The following BABAM2 variants were observed in gnomAD, a reference collection of about 807,000 sequenced individuals.
The protein encoded by BABAM2 is BRISC and BRCA1-A complex member 2.
In BABAM2, 31 loss-of-function variants were observed where a neutral mutation model predicts 54.7. The observed-to-expected ratio is 0.57, with a 90% CI of 0.43 to 0.77. The LOEUF (loss-of-function observed/expected upper bound fraction) is 0.77, where lower values mean the gene tolerates loss of function less well. Among genes scored for constraint, BABAM2 ranks in the 30% least tolerant of loss-of-function variants. BABAM2 has a pLI of 0.00. For synonymous variants in BABAM2, 167 were observed against 162.9 expected (o/e 1.03, Z -0.19); for missense variants, 364 against 455.8 (o/e 0.80, Z 1.83).
At position 28,310,028 on chromosome 2, in the gene BABAM2, C is replaced by T. The variant is rs1688935242; in HGVS notation, c.1088+11537C>T. ...ATAAATAACGTGGAATTATTGGATC[C>T]TTGAACCCTTTTGAAAAGTATCTTA... On this transcript the variant is annotated intron_variant, in intron 11 of 11. Transcript: ENST00000379624. 4.5e-6 allele frequency: 7 copies of T among 1,559,254 alleles called. No homozygotes were observed. The South Asian group carries it at 6.7e-5, about 15-fold the overall frequency.
intron 7 of BABAM2, among the ~76,000 whole-genome samples, chr2:28,133,080 G>A (rs1670230319): frequency 6.6e-6 from 1 of 152,160 alleles, no homozygotes; most frequent in Admixed American, 6.5e-5. Flanking sequence ...TTAAGTAGAA[G>A]TTTTCAAAAT....
chr2:27,897,410 A>G (rs1488509015), intron 2 of BABAM2, among the ~76,000 whole-genome samples: 3 of 152,186 alleles, frequency 2.0e-5, no homozygotes, highest in Middle Eastern at 3.2e-3. Flanking sequence ...AATTTCATTA[A>G]TCAAATACTT....
Position 27,939,370 on chromosome 2 carries a change from TATTAA to T in BABAM2, c.205+9470_205+9474del, listed in dbSNP as rs1489434000. Among the ~76,000 whole-genome samples the T allele has an allele frequency of 2.0e-5, 3 of 152,248 alleles. No individual in the cohort carries two copies. The East Asian group carries it at 5.8e-4, about 29-fold the overall frequency. On this transcript the variant is annotated intron_variant, in intron 3 of 11. Transcript: ENST00000379624. ...AGTTAGAGATGGAGACTGTTGTGTTTATTAAATTAAATCTTTAGTCTCTAGCACAG... is the reference window on the plus strand; with the variant it reads ...AGTTAGAGATGGAGACTGTTGTGTTTATTAAATCTTTAGTCTCTAGCACAG...
intron 7 of BABAM2, among the ~76,000 whole-genome samples, chr2:28,146,195 A>G (rs1309325734): frequency 6.6e-6 from 1 of 152,206 alleles, no homozygotes; most frequent in Non-Finnish European, 1.5e-5. Flanking sequence ...CTTTTATTAG[A>G]TACATAATTT....
chr2:28,050,950 G>A (rs1327793080), intron 6 of BABAM2, among the ~76,000 whole-genome samples: 1 of 152,170 alleles, frequency 6.6e-6, no homozygotes, highest in Admixed American at 6.5e-5. Context: ...AGACTACTGA[G>A]AGATAAAACC....
chr2:28,326,225 C>T (rs1446457650), intron 11 of BABAM2, among the ~76,000 whole-genome samples: 2 of 152,206 alleles, frequency 1.3e-5, no homozygotes, highest in Non-Finnish European at 2.9e-5. Context: ...CTTTTCCCAG[C>T]AGGTGAGCTG....
At chr2:28,070,381 T>C (rs1262684006) in intron 6 of BABAM2, among the ~76,000 whole-genome samples, 2 of 152,160 alleles carry the variant, frequency 1.3e-5, no homozygotes, top group African/African-American at 4.8e-5. Flanking sequence ...TTCTGTGGAT[T>C]GAAGCTACTT....
chr2:28,159,674 G>A (rs1450189488), intron 7 of BABAM2, among the ~76,000 whole-genome samples: 1 of 152,160 alleles, frequency 6.6e-6, no homozygotes, highest in Non-Finnish European at 1.5e-5. Flanking sequence ...GAGGTCAGGA[G>A]TTCGAGACCA....
At chr2:28,038,842 C>T (rs1329247151) in intron 5 of BABAM2, among the ~76,000 whole-genome samples, 1 of 152,138 alleles carries the variant, frequency 6.6e-6, no homozygotes, top group Non-Finnish European at 1.5e-5. Flanking sequence ...CTATAATAAA[C>T]ATATAAGTGG....
Position 28,013,694 on chromosome 2 carries a change from T to TACACACACACACACAC in BABAM2, c.301-11511_301-11496dup, listed in dbSNP as rs56148921. ...AAAAAAAAAAAAAAAAAAAAGCTCT[T>TACACACACACACACAC]ACACACACACACACACACACACACA... On this transcript the variant is annotated intron_variant, in intron 4 of 11. Coordinates refer to ENST00000379624, the MANE Select transcript of BABAM2 (RefSeq NM_199191.3). 3.6e-3 allele frequency among the ~76,000 whole-genome samples: 385 copies of TACACACACACACACAC among 106,028 alleles called. 4 individuals are homozygous for TACACACACACACACAC. Among genetic ancestry groups the TACACACACACACACAC allele is most frequent in the Non-Finnish European group, 5.9e-3 (322 of 54,916 alleles). The allele number at this position is 106,028 out of a possible 152,430, so 69.6% of individuals were successfully genotyped here.
At chr2:27,926,552 T>G (rs1361875635) in intron 2 of BABAM2, among the ~76,000 whole-genome samples, 1 of 152,224 alleles carries the variant, frequency 6.6e-6, no homozygotes, top group East Asian at 1.9e-4. Flanking sequence ...TAGCTCTTGC[T>G]TCAGTGCAGC....
At chr2:28,286,379 T>C (rs1686815769) in intron 10 of BABAM2, among the ~76,000 whole-genome samples, 2 of 152,118 alleles carry the variant, frequency 1.3e-5, no homozygotes, top group Non-Finnish European at 2.9e-5. Context: ...TCCCTAGAAA[T>C]GTTCAAGGGT....
chr2:27,907,946 A>G (rs932470233), intron 2 of BABAM2, among the ~76,000 whole-genome samples: 4 of 152,160 alleles, frequency 2.6e-5, no homozygotes, highest in African/African-American at 7.2e-5. Context: ...GGTTGCTTCT[A>G]TCTTTGGCTA....
intron 7 of BABAM2, among the ~76,000 whole-genome samples, chr2:28,142,531 C>G (rs1443056703): frequency 3.3e-5 from 5 of 152,110 alleles, no homozygotes; most frequent in African/African-American, 7.2e-5. Context: ...TTCCCTCCCA[C>G]TTTTTAATCC....
At chr2:27,923,723 C>G (rs1413302603) in intron 2 of BABAM2, among the ~76,000 whole-genome samples, 1 of 150,814 alleles carries the variant, frequency 6.6e-6, no homozygotes, top group East Asian at 2.0e-4. Flanking sequence ...ATAATCCCAG[C>G]TCTTTGGGAG....
intron 3 of BABAM2, among the ~76,000 whole-genome samples, chr2:27,960,033 AT>A (rs1218684402): frequency 6.6e-6 from 1 of 151,626 alleles, no homozygotes; most frequent in East Asian, 1.9e-4. Context: ...ATTTCAATAG[AT>A]TTTTTTCCCC....
intron 4 of BABAM2, among the ~76,000 whole-genome samples, chr2:28,022,383 T>C (rs1361643457): frequency 2.0e-5 from 3 of 152,270 alleles, no homozygotes; most frequent in Non-Finnish European, 2.9e-5. Context: ...TACACGTGAA[T>C]GTGAGCAGTT....
At chr2:28,175,410 G>T (rs1280557805) in intron 7 of BABAM2, among the ~76,000 whole-genome samples, 2 of 152,094 alleles carry the variant, frequency 1.3e-5, no homozygotes, top group African/African-American at 4.8e-5. Flanking sequence ...AACCAGCCTG[G>T]CACTGCTACC....
chr2:28,066,070 A>G (rs1663520884), intron 6 of BABAM2, among the ~76,000 whole-genome samples: 1 of 151,440 alleles, frequency 6.6e-6, no homozygotes, highest in Admixed American at 6.6e-5. Context: ...GAGGTAGGAG[A>G]ACCACTTGAA....
Sources: gnomAD v4.1 joint callset for allele counts (sites outside exome capture counted in the v4.1 genomes callset) on GRCh38, gnomAD v4.1.1 for gene constraint, MANE v1.5 for transcripts, NCBI Gene and HGNC (gene_info 2026-07-23, HGNC 2026-07-21) for gene names.